Variants in VAC14 observed in about 807,000 individuals in gnomAD.
VAC14 encodes protein VAC14 homolog.
In VAC14, 47 loss-of-function variants were observed where a neutral mutation model predicts 85.3. The ratio of observed to expected loss-of-function variants is 0.55; its 90% confidence interval spans 0.44 to 0.70. The LOEUF is 0.70. Ranked by LOEUF, VAC14 falls within the 30% of genes least tolerant of loss-of-function variation. The pLI, the probability that VAC14 is intolerant of heterozygous loss-of-function variation, is 0.00. For missense variants in VAC14, 861 were observed against 1,004.3 expected (o/e 0.86, Z 1.93); for synonymous variants, 447 against 430.5 (o/e 1.04, Z -0.47).
intron 9 of VAC14, among the ~76,000 whole-genome samples, chr16:70,773,603 G>A (rs982806081): frequency 1.3e-5 from 2 of 152,086 alleles, no homozygotes; most frequent in African/African-American, 4.8e-5. Flanking sequence ...GGTGGGAGGT[G>A]CTATAGGAAA....
chr16:70,733,400 C>A (rs973404701), intron 13 of VAC14, among the ~76,000 whole-genome samples: 2 of 151,704 alleles, frequency 1.3e-5, no homozygotes, highest in African/African-American at 4.8e-5. Flanking sequence ...CTGGTATTTT[C>A]TCCCATTCTG....
At chr16:70,692,148 G>C in intron 18 of VAC14, 4 of 954,714 alleles carry the variant, frequency 4.2e-6, no homozygotes, top group Non-Finnish European at 5.0e-6. Context: ...CAGGCTCTGG[G>C]GTAGGGGCCA....
At chr16:70,690,557 T>A in intron 18 of VAC14, 2 of 985,392 alleles carry the variant, frequency 2.0e-6, no homozygotes, top group Non-Finnish European at 2.4e-6. Flanking sequence ...AGCCAGGGGG[T>A]GGGGGAGCTG....
At chr16:70,800,522 C>G (rs2034738921) in intron 1 of VAC14, among the ~76,000 whole-genome samples, 1 of 152,252 alleles carries the variant, frequency 6.6e-6, no homozygotes, top group African/African-American at 2.4e-5. Flanking sequence ...GTGCCATGCA[C>G]TGTGCAAAGC....
chr16:70,689,188 C>T lies in VAC14; in HGVS notation c.2187-1098G>A, dbSNP rs185390019. On this transcript the variant is annotated intron_variant, in intron 18 of 18. Transcript: ENST00000261776. ...TGTGACTGTTTCCTCATCTGCAAAG[C>T]GAGGGCTACCTAAGGAGCGGCCCTG... 21 of 976,832 alleles carry T rather than the reference C, an allele frequency of 2.1e-5. No individual in the cohort carries two copies. The Admixed American group carries it at 2.5e-4, about 11-fold the overall frequency. 60.5% of individuals were successfully genotyped at this position (976,832 alleles called of 1,614,324 possible). A position where few individuals can be genotyped will look rare whatever the true frequency, so the allele number is the denominator to read the frequency against.
rs774287154 is a variant in VAC14 at position 70,784,173 on chromosome 16, G to C, written c.534C>G (p.Pro178=). ...TGGAGTAAATCCTCTCTCGCAACAAGGGGATGAAGCTCACCAGGTCAAACT... is the reference window on the plus strand; with the variant it reads ...TGGAGTAAATCCTCTCTCGCAACAACGGGATGAAGCTCACCAGGTCAAACT... ...SNKFDLVSFI[P]LLRERIYSNN... is the part of the protein sequence containing the mutation. The change falls in exon 5 of 19, where the codon CCC becomes CCG. Residue 178 remains proline (P), a synonymous_variant. Coordinates refer to ENST00000261776, the MANE Select transcript of VAC14 (RefSeq NM_018052.5). The C allele has an allele frequency of 6.2e-7, 1 of 1,614,182 alleles. No individual in the cohort carries two copies. Among genetic ancestry groups the C allele is most frequent in the South Asian group, 1.1e-5 (1 of 91,084 alleles).
In VAC14 at chr16:70,721,201, G is replaced by A. The variant is rs139818167; in HGVS notation, c.1661+10294C>T. Among the ~76,000 whole-genome samples, 508 of 152,334 alleles carry A rather than the reference G, an allele frequency of 3.3e-3. 3 individuals are homozygous for A. The highest frequency in any genetic ancestry group is 0.011 in the African/African-American group (471 of 41,572). On this transcript the variant is annotated intron_variant, in intron 14 of 18. Transcript: ENST00000261776. ...GTGGGCCAGAATAAGGGACAGGCCG[G>A]CATGGTGGGGCTGGGGCCTAGAAGG...
chr16:70,755,879 C>G (rs79425373), intron 12 of VAC14: 4,835 of 392,106 alleles, frequency 0.012, 203 homozygotes, highest in African/African-American at 0.087. Flanking sequence ...GAGAGCAGCC[C>G]CAGCCACCTG....
At chr16:70,782,286 C>T (rs1344616808) in intron 7 of VAC14, among the ~76,000 whole-genome samples, 2 of 152,234 alleles carry the variant, frequency 1.3e-5, no homozygotes, top group Admixed American at 6.5e-5. Flanking sequence ...GAATTAACTT[C>T]TCCACCCCTT....
chr16:70,782,007 G>C lies in VAC14; in HGVS notation c.812-4C>G. ...GCTGTCAGCTGGATGAGGTCATCTG[G>C]AAGGGGAATCAGGGGGTTCAGAGGG... is the stretch of plus-strand genomic sequence containing the variant. On this transcript the variant is annotated splice_polypyrimidine_tract_variant and splice_region_variant and intron_variant, in intron 7 of 18. Coordinates refer to ENST00000261776, the MANE Select transcript of VAC14 (RefSeq NM_018052.5). The C allele has an allele frequency of 1.9e-6, 3 of 1,613,306 alleles. No individual in the cohort carries two copies. The highest frequency in any genetic ancestry group is 2.5e-6 in the Non-Finnish European group (3 of 1,179,562).
intron 14 of VAC14, among the ~76,000 whole-genome samples, chr16:70,702,952 T>C (rs1426789519): frequency 1.3e-5 from 2 of 152,216 alleles, no homozygotes; most frequent in Non-Finnish European, 2.9e-5. Flanking sequence ...AAGAGGAATC[T>C]GAGGTTCAGA....
rs181496941 is a variant in VAC14, at chr16:70,694,720, T to C, written c.2035+824A>G. Among the ~76,000 whole-genome samples, 234 of 152,334 alleles carry C rather than the reference T, an allele frequency of 1.5e-3. 1 individual carries two copies. The highest frequency in any genetic ancestry group is 2.0e-3 in the Non-Finnish European group (137 of 68,026). The stretch of plus-strand genomic sequence containing the variant: ...ATAAGCGTCATTCAAAGTGTGTATG[T>C]TGAGGTGCTGAGAGCTGTGCTCGCC... On this transcript the variant is annotated intron_variant, in intron 17 of 18. Coordinates refer to ENST00000261776, the MANE Select transcript of VAC14 (RefSeq NM_018052.5).
intron 14 of VAC14, chr16:70,699,162 G>GCCC (rs71387537): frequency 3.0e-5 from 7 of 235,022 alleles, no homozygotes; most frequent in Middle Eastern, 1.5e-3. Context: ...CTGAGCAATG[G>GCCC]CCCCCACCCC....
chr16:70,748,060 C>G (rs771033774), intron 12 of VAC14: 1 of 152,210 alleles, frequency 6.6e-6, no homozygotes, highest in African/African-American at 2.4e-5. Context: ...AGGATACACA[C>G]AAGGGAACTG....
chr16:70,745,534 T>C (rs990903611), intron 12 of VAC14, among the ~76,000 whole-genome samples: 19 of 151,564 alleles, frequency 1.3e-4, no homozygotes, highest in African/African-American at 4.4e-4. Context: ...TGTGCGCGCG[T>C]GTGCCTGTGT....
At chr16:70,708,632 C>T (rs903248687) in intron 14 of VAC14, among the ~76,000 whole-genome samples, 13 of 152,194 alleles carry the variant, frequency 8.5e-5, no homozygotes, top group South Asian at 2.1e-4. Context: ...CCCCAGAATA[C>T]GGCTGGATGC....
intron 18 of VAC14, among the ~76,000 whole-genome samples, chr16:70,692,243 GTTCC>G (rs1436805328): frequency 6.6e-6 from 1 of 151,706 alleles, no homozygotes; most frequent in Admixed American, 6.6e-5. Flanking sequence ...CCTAGGACCT[GTTCC>G]TTCCATGGGC....
intron 13 of VAC14, among the ~76,000 whole-genome samples, chr16:70,741,075 C>G (rs1223998799): frequency 6.6e-6 from 1 of 152,266 alleles, no homozygotes; most frequent in East Asian, 1.9e-4. Context: ...CAGACAGTCC[C>G]TTTGTGCCTT....
Position 70,744,552 on chromosome 16 carries a change from C to T in VAC14, c.1399G>A (p.Ala467Thr). 1 of 1,606,692 alleles carries T rather than the reference C, an allele frequency of 6.2e-7. No individual in the cohort carries two copies. The highest frequency in any genetic ancestry group is 2.2e-5 in the East Asian group (1 of 44,794). The change falls in exon 13 of 19, where the codon GCA (alanine) becomes ACA (threonine). Residue 467 changes from alanine to threonine, a missense_variant. This residue lies in a region of VAC14 where 629 missense variants were observed against 703.1 expected (regional missense o/e 0.89). Coordinates refer to ENST00000261776, the MANE Select transcript of VAC14 (RefSeq NM_018052.5). Reference protein sequence around the residue: ...EVILKDLEVLAEIASSPAGQT... With the variant: ...EVILKDLEVLTEIASSPAGQT... ...CCTGCGGGGGAGGAAGCGATTTCTG[C>T]CAGCACCTCCAGGTCCTTCAGGATC...
Sources: gnomAD v4.1 joint callset for allele counts (sites outside exome capture counted in the v4.1 genomes callset) on GRCh38, gnomAD v4.1.1 for gene constraint, gnomAD v4.1.1 regional missense constraint, MANE v1.5 for transcripts, NCBI Gene and HGNC (gene_info 2026-07-23, HGNC 2026-07-21) for gene names.